CEP290: variants seen among roughly 807,000 people sequenced by gnomAD.
The protein encoded by CEP290 is centrosomal protein of 290 kDa.
Under a neutral mutation model 344.9 loss-of-function variants are expected in CEP290, and 317 were observed. That is an observed-to-expected ratio of 0.92 (90% confidence interval 0.84 to 1.01). The LOEUF is 1.01. Among genes scored for constraint, CEP290 ranks in the 50% least tolerant of loss-of-function variants. The probability of loss-of-function intolerance (pLI) is 0.00; values close to 1 mark genes in which losing one functional copy is unlikely to be tolerated. For missense variants in CEP290, 2,754 were observed against 2,761.4 expected (o/e 1.00, Z 0.06); for synonymous variants, 932 against 895.8 (o/e 1.04, Z -0.72).
chr12:88,068,702 A>T (rs955277673), intron 43 of CEP290, 57 bp from the exon 44 acceptor site: 14 of 1,513,212 alleles, frequency 9.3e-6, no homozygotes, highest in Middle Eastern at 3.6e-4. Context: ...TTTCTGTTGT[A>T]CTATATAAAA....
rs751732097 is a variant in CEP290 at position 88,118,701 on chromosome 12, T to C, written c.1565A>G (p.Asn522Ser). The C allele has an allele frequency of 1.2e-6, 2 of 1,613,254 alleles. No individual in the cohort carries two copies. Among genetic ancestry groups the C allele is most frequent in the Non-Finnish European group, 1.7e-6 (2 of 1,179,666 alleles). Residue 522 changes from asparagine (N) to serine (S), a missense_variant, in exon 16 of 54, where the codon AAT (asparagine) becomes AGT (serine). Physicochemically the swap from Asn to Ser is conservative, Grantham distance 46 (BLOSUM62 1). Coordinates refer to ENST00000552810, the MANE Select transcript of CEP290 (RefSeq NM_025114.4). ...CTGCTGCTGTTTTAAGTGTTTGCTATTTCTAAATTCAGTTAAATCAATCAT... is the reference window on the plus strand; with the variant it reads ...CTGCTGCTGTTTTAAGTGTTTGCTACTTCTAAATTCAGTTAAATCAATCAT... ...KTMIDLTEFR[N>S]SKHLKQQQYR...
At chr12:88,090,976 C>T (rs1565849684) in intron 29 of CEP290, 137 bp from the exon 30 acceptor site, 1 of 568,770 alleles carries the variant, frequency 1.8e-6, no homozygotes, top group South Asian at 2.3e-5. Flanking sequence ...AATATTAAAA[C>T]AGGATTTCCT....
chr12:88,080,927 T>C (rs888611744), intron 37 of CEP290, among the ~76,000 whole-genome samples: 33 of 152,326 alleles, frequency 2.2e-4, no homozygotes, highest in Non-Finnish European at 3.5e-4. Context: ...GTTTCTAATA[T>C]TTTTGGCAAC....
chr12:88,113,928 A>C (rs2038877381), intron 20 of CEP290, among the ~76,000 whole-genome samples: 1 of 152,124 alleles, frequency 6.6e-6, no homozygotes, highest in South Asian at 2.1e-4. Context: ...AAAAGCAAGC[A>C]GATTTTGGGA....
intron 52 of CEP290, among the ~76,000 whole-genome samples, chr12:88,051,543 CAG>C (rs200425352): frequency 2.0e-5 from 3 of 152,194 alleles, no homozygotes; most frequent in East Asian, 1.9e-4. Context: ...TTTATATAGA[CAG>C]TGATTTAGAA....
intron 18 of CEP290, among the ~76,000 whole-genome samples, chr12:88,116,513 T>C (rs967841107): frequency 1.3e-5 from 2 of 152,228 alleles, no homozygotes; most frequent in Admixed American, 6.5e-5. Context: ...GCAGCAGCTC[T>C]GCTTTATCTG....
intron 29 of CEP290, among the ~76,000 whole-genome samples, chr12:88,091,151 G>C (rs921535576): frequency 3.3e-5 from 5 of 152,002 alleles, no homozygotes; most frequent in African/African-American, 1.2e-4. Flanking sequence ...TTACTATATA[G>C]TATTTTCCAA....
chr12:88,060,934 C>T lies in CEP290; in HGVS notation c.6418G>A (p.Val2140Ile). The change falls in exon 47 of 54, where the codon GTA becomes ATA. Residue 2140 changes from valine to isoleucine, a missense_variant. Transcript: ENST00000552810. The stretch of plus-strand genomic sequence containing the variant: ...TTTTCTCTCTGGACTTTTTCAACTA[C>T]TTTTTTCATTAAACCAATGGTTTTT... ...LEKTIGLMKK[V>I]VEKVQRENEQ... 1.3e-6 allele frequency: 2 copies of T among 1,559,130 alleles called. No homozygotes were observed. The highest frequency in any genetic ancestry group is 1.7e-6 in the Non-Finnish European group (2 of 1,150,526).
chr12:88,056,077 G>A (rs1023343319), intron 49 of CEP290, among the ~76,000 whole-genome samples: 1 of 151,922 alleles, frequency 6.6e-6, no homozygotes, highest in South Asian at 2.1e-4. Context: ...TATAAAGATG[G>A]CAAATAAAAA....
chr12:88,104,000 T>C (rs563823616), intron 25 of CEP290: 18 of 152,160 alleles, frequency 1.2e-4, no homozygotes, highest in African/African-American at 2.9e-4. Context: ...CATGAGCAGG[T>C]AGAAGAGGAA....
In CEP290 at chr12:88,049,266, C is replaced by T. The variant is rs1358454222; in HGVS notation, c.7358G>A (p.Gly2453Glu). 2.5e-6 allele frequency: 4 copies of T among 1,609,900 alleles called. No homozygotes were observed. Among genetic ancestry groups the T allele is most frequent in the Non-Finnish European group, 2.5e-6 (3 of 1,178,578 alleles). ...EKVKKLSEQL[G>E]VELTSPVAAS... ...AGCAACAGGGCTAGTTAATTCAACT[C>T]CCAATTGTTCTGAAAGTTTTTTTAC... is the stretch of plus-strand genomic sequence containing the variant. The change falls in exon 54 of 54, where the codon GGA becomes GAA. Residue 2453 changes from glycine (G) to glutamate (E), a missense_variant. Coordinates refer to ENST00000552810, the MANE Select transcript of CEP290 (RefSeq NM_025114.4).
intron 49 of CEP290, among the ~76,000 whole-genome samples, chr12:88,056,653 C>T (rs1565787097): frequency 6.6e-6 from 1 of 152,090 alleles, no homozygotes; most frequent in African/African-American, 2.4e-5. Context: ...CTCTGATCAC[C>T]CTATCTAAAA....
chr12:88,136,532 C>T (rs746716993), intron 6 of CEP290, 111 bp downstream of exon 6: 91 of 1,067,688 alleles, frequency 8.5e-5, no homozygotes, highest in Non-Finnish European at 1.1e-4. Context: ...GATAAGTGTA[C>T]ATCATTTTTC....
intron 27 of CEP290, 69 bp downstream of exon 27, chr12:88,096,819 G>A: frequency 2.6e-6 from 2 of 783,424 alleles, no homozygotes; most frequent in Non-Finnish European, 4.0e-6. Flanking sequence ...CATAAAAAAG[G>A]AACTTTAAAT....
At chr12:88,124,834 G>A (rs1252958360) in intron 13 of CEP290, among the ~76,000 whole-genome samples, 2 of 152,014 alleles carry the variant, frequency 1.3e-5, no homozygotes, top group African/African-American at 4.8e-5. Context: ...TCAGGGTAAG[G>A]AGAATATGAT....
Position 88,084,735 on chromosome 12 carries a change from T to A in CEP290, c.4555A>T (p.Ile1519Leu), listed in dbSNP as rs200817579. The A allele has an allele frequency of 1.5e-4, 250 of 1,613,808 alleles. No homozygotes were observed. The highest frequency in any genetic ancestry group is 9.9e-4 in the Middle Eastern group (6 of 6,060). Residue 1519 changes from isoleucine (I) to leucine (L), a missense_variant, in exon 35 of 54, where the codon ATA (isoleucine) becomes TTA (leucine). Physicochemically the swap from Ile to Leu is conservative, Grantham distance 5 (BLOSUM62 2). Coordinates refer to ENST00000552810, the MANE Select transcript of CEP290 (RefSeq NM_025114.4). ...LPATAEREKL[I>L]AELGRKEMEP... ...ATCTCTTTTCTGCCTAGCTCAGCTA[T>A]GAGCTTTTCTCTTTCTGCAGTGGCA...
At chr12:88,117,616 T>C (rs1300848248) in intron 17 of CEP290, among the ~76,000 whole-genome samples, 1 of 152,230 alleles carries the variant, frequency 6.6e-6, no homozygotes, top group African/African-American at 2.4e-5. Flanking sequence ...CTGTGTGGTC[T>C]TCTTACAAAA....
Position 88,097,717 on chromosome 12 carries a change from T to C in CEP290, c.2992-718A>G, listed in dbSNP as rs187436986. ...CCAATATACGGCCTCAATTTCTGAGTATTAGCTTCTGCCACTAAAGCTGTA... is the reference window on the plus strand; with the variant it reads ...CCAATATACGGCCTCAATTTCTGAGCATTAGCTTCTGCCACTAAAGCTGTA... On this transcript the variant is annotated intron_variant, in intron 26 of 53. Coordinates refer to ENST00000552810, the MANE Select transcript of CEP290 (RefSeq NM_025114.4). Among the ~76,000 whole-genome samples the C allele has an allele frequency of 7.2e-5, 11 of 152,104 alleles. No individual in the cohort carries two copies. In the East Asian group the frequency reaches 1.5e-3, roughly 21 times the overall value.
rs1323137920 is a variant in CEP290, at chr12:88,083,120, C to A, written c.4923G>T (p.Leu1641Phe). The A allele has an allele frequency of 6.5e-7, 1 of 1,544,260 alleles. No individual in the cohort carries two copies. Among genetic ancestry groups the A allele is most frequent in the Admixed American group, 2.0e-5 (1 of 49,380 alleles). The stretch of plus-strand genomic sequence containing the variant: ...CTTGTGATACTTTCTTTAGTTTGAC[C>A]AAGAGTGAGGAAAGAGAGTCATCTT... ...AEQDDSLSSL[L>F]VKLKKVSQDL... The change falls in exon 37 of 54, where the codon TTG becomes TTT. Residue 1641 changes from leucine (L) to phenylalanine (F), a missense_variant. Physicochemically the swap from Leu to Phe is conservative, Grantham distance 22. Coordinates refer to ENST00000552810, the MANE Select transcript of CEP290 (RefSeq NM_025114.4).
Sources: gnomAD v4.1 joint callset for allele counts (sites outside exome capture counted in the v4.1 genomes callset) on GRCh38, gnomAD v4.1.1 for gene constraint, MANE v1.5 for transcripts, NCBI Gene and HGNC (gene_info 2026-07-23, HGNC 2026-07-21) for gene names.